Variants in HECW2 observed in about 807,000 individuals in gnomAD.
The protein encoded by HECW2 is HECT, C2 and WW domain containing E3 ubiquitin protein ligase 2.
HECW2 carries 61 observed loss-of-function variants against 175.2 expected under a neutral mutation model. That is an observed-to-expected ratio of 0.35 (90% CI 0.28 to 0.43). The LOEUF (loss-of-function observed/expected upper bound fraction) is 0.43, where lower values mean the gene tolerates loss of function less well. Ranked by LOEUF, HECW2 falls within the 20% of genes least tolerant of loss-of-function variation. The probability of loss-of-function intolerance (pLI) is 1.00; values close to 1 mark genes in which losing one functional copy is unlikely to be tolerated. For missense variants in HECW2, 1,524 were observed against 2,000.5 expected (o/e 0.76, Z 4.54); for synonymous variants, 671 against 731.0 (o/e 0.92, Z 1.32).
At chr2:196,279,725 C>T (rs1690115602) in intron 14 of HECW2, among the ~76,000 whole-genome samples, 1 of 152,172 alleles carries the variant, frequency 6.6e-6, no homozygotes, top group Non-Finnish European at 1.5e-5. Context: ...TTTAGTCGCC[C>T]ATTACACACC....
In HECW2 at chr2:196,478,207, G is replaced by A. The variant is rs1026311360; in HGVS notation, c.-35-44749C>T. 5.3e-5 allele frequency among the ~76,000 whole-genome samples: 8 copies of A among 152,218 alleles called. No homozygotes were observed. The East Asian group carries it at 1.5e-3, about 29-fold the overall frequency. On this transcript the variant is annotated intron_variant, in intron 1 of 28. Transcript: ENST00000644978. ...AGAAAATTCAAAAGGAGAAATCAGA[G>A]TGTCACCACATCAGGAGTGGCTTCA...
At chr2:196,430,331 A>G (rs1172713760) in intron 2 of HECW2, among the ~76,000 whole-genome samples, 3 of 152,248 alleles carry the variant, frequency 2.0e-5, no homozygotes, top group African/African-American at 7.2e-5. Flanking sequence ...ATTCCACAGA[A>G]TTCAGAATTT....
At chr2:196,323,060 A>C (rs1236843204) in intron 6 of HECW2, among the ~76,000 whole-genome samples, 1 of 152,252 alleles carries the variant, frequency 6.6e-6, no homozygotes, top group Admixed American at 6.5e-5. Context: ...GTTGCAAAAC[A>C]TAGTTGAAAA....
At chr2:196,378,726 C>CAGGAAATAAGTACAG (rs1164513585) in intron 2 of HECW2, among the ~76,000 whole-genome samples, 1 of 151,978 alleles carries the variant, frequency 6.6e-6, no homozygotes, top group Non-Finnish European at 1.5e-5. Context: ...ATAAGAATTC[C>CAGGAAATAAGTACAG]AGGAAATAAG....
intron 1 of HECW2, among the ~76,000 whole-genome samples, 178 bp downstream of exon 1, chr2:196,593,330 G>A (rs1413494335): frequency 3.3e-5 from 5 of 150,606 alleles, no homozygotes; most frequent in African/African-American, 9.7e-5. Flanking sequence ...AGCGCGGCGC[G>A]GCCCCGAGCG....
At chr2:196,571,622 G>A (rs1690389866) in intron 1 of HECW2, among the ~76,000 whole-genome samples, 1 of 151,956 alleles carries the variant, frequency 6.6e-6, no homozygotes, top group African/African-American at 2.4e-5. Context: ...GGCACGAAAG[G>A]CATGGGAAGC....
chr2:196,455,329 G>A, intron 1 of HECW2, among the ~76,000 whole-genome samples: 1 of 152,114 alleles, frequency 6.6e-6, no homozygotes, highest in East Asian at 1.9e-4. Context: ...ACAATGCCCG[G>A]CCCCTTTTAC....
At chr2:196,307,417 A>G (rs1691309631) in intron 11 of HECW2, among the ~76,000 whole-genome samples, 184 bp from the exon 12 acceptor site, 3 of 152,130 alleles carry the variant, frequency 2.0e-5, no homozygotes, top group African/African-American at 7.2e-5. Flanking sequence ...TCTTCTGTCC[A>G]TTGTTTGGGG....
intron 1 of HECW2, among the ~76,000 whole-genome samples, chr2:196,577,564 G>A (rs1244121093): frequency 1.3e-5 from 2 of 152,004 alleles, no homozygotes; most frequent in African/African-American, 4.8e-5. Context: ...ACTCTAGAAC[G>A]CCACATGTAT....
At chr2:196,410,557 T>C (rs1314824799) in intron 2 of HECW2, among the ~76,000 whole-genome samples, 1 of 152,124 alleles carries the variant, frequency 6.6e-6, no homozygotes, top group South Asian at 2.1e-4. Context: ...ACTTAAGCCA[T>C]TGAAAACAAT....
intron 1 of HECW2, among the ~76,000 whole-genome samples, chr2:196,472,879 C>T (rs915100877): frequency 1.3e-5 from 2 of 152,208 alleles, no homozygotes; most frequent in Admixed American, 6.5e-5. Flanking sequence ...CCTTGGCCTC[C>T]CAAAGTGCTG....
intron 1 of HECW2, among the ~76,000 whole-genome samples, chr2:196,440,632 A>C (rs1013732436): frequency 6.6e-6 from 1 of 152,192 alleles, no homozygotes; most frequent in African/African-American, 2.4e-5. Context: ...GAAACCTAAG[A>C]ACTCTCAATT....
intron 1 of HECW2, among the ~76,000 whole-genome samples, chr2:196,468,634 A>G (rs1455394207): frequency 6.6e-6 from 1 of 152,192 alleles, no homozygotes; most frequent in African/African-American, 2.4e-5. Flanking sequence ...TTAAGTGGCA[A>G]TTCTCTAAAC....
intron 2 of HECW2, among the ~76,000 whole-genome samples, chr2:196,431,580 T>C (rs1695713789): frequency 6.6e-6 from 1 of 152,138 alleles, no homozygotes; most frequent in Non-Finnish European, 1.5e-5. Context: ...AATGAGAAAG[T>C]CTAAAGAGAA....
chr2:196,452,554 T>A (rs888538506), intron 1 of HECW2, among the ~76,000 whole-genome samples: 37 of 152,216 alleles, frequency 2.4e-4, no homozygotes, highest in Non-Finnish European at 5.0e-4. Flanking sequence ...CAAGGTAATA[T>A]CCACTAATAT....
intron 2 of HECW2, among the ~76,000 whole-genome samples, chr2:196,359,447 AAAACAAAC>A (rs202003088): frequency 4.4e-4 from 67 of 151,806 alleles, no homozygotes; most frequent in African/African-American, 8.2e-4. Flanking sequence ...ACTCCATCTT[AAAACAAAC>A]AAACAAACAA....
intron 1 of HECW2, among the ~76,000 whole-genome samples, chr2:196,547,642 T>A (rs1270499773): frequency 6.6e-6 from 1 of 152,106 alleles, no homozygotes; most frequent in African/African-American, 2.4e-5. Context: ...AACCAAGAAG[T>A]AAGGTGGCCT....
At chr2:196,498,836 T>C (rs1029681556) in intron 1 of HECW2, among the ~76,000 whole-genome samples, 11 of 152,214 alleles carry the variant, frequency 7.2e-5, no homozygotes, top group African/African-American at 2.2e-4. Context: ...ATTGCTTCTA[T>C]AGAAAACATC....
At chr2:196,514,201 A>T (rs549853078) in intron 1 of HECW2, among the ~76,000 whole-genome samples, 13 of 152,258 alleles carry the variant, frequency 8.5e-5, no homozygotes, top group African/African-American at 3.1e-4. Flanking sequence ...GCCCACTCCA[A>T]TTTCAGAGCA....
Sources: gnomAD v4.1 joint callset for allele counts (sites outside exome capture counted in the v4.1 genomes callset) on GRCh38, gnomAD v4.1.1 for gene constraint, MANE v1.5 for transcripts, NCBI Gene and HGNC (gene_info 2026-07-23, HGNC 2026-07-21) for gene names.